Variants in SPRED1 observed in about 807,000 individuals in gnomAD.
SPRED1 encodes sprouty-related, EVH1 domain-containing protein 1.
In SPRED1, 18 loss-of-function variants were observed where a neutral mutation model predicts 52.3. The ratio of observed to expected loss-of-function variants is 0.34; its 90% CI spans 0.24 to 0.51. The LOEUF (loss-of-function observed/expected upper bound fraction) is 0.51. SPRED1 is among the 20% of genes least tolerant of loss of function. SPRED1 has a pLI of 0.97. For missense variants in SPRED1, 485 were observed against 551.0 expected (o/e 0.88, Z 1.20); for synonymous variants, 155 against 179.7 (o/e 0.86, Z 1.10).
intron 6 of SPRED1, among the ~76,000 whole-genome samples, chr15:38,349,840 G>A (rs1290210328): frequency 6.6e-6 from 1 of 152,128 alleles, no homozygotes; most frequent in African/African-American, 2.4e-5. Flanking sequence ...CATGTATCTA[G>A]GAAATAGAAG....
At chr15:38,315,977 G>T (rs1895471209) in intron 2 of SPRED1, among the ~76,000 whole-genome samples, 2 of 151,970 alleles carry the variant, frequency 1.3e-5, no homozygotes, top group Non-Finnish European at 2.9e-5. Context: ...GACCCAGCAG[G>T]TCTTGGCTAC....
intron 1 of SPRED1, among the ~76,000 whole-genome samples, chr15:38,270,218 C>T (rs934632171): frequency 2.6e-5 from 4 of 152,178 alleles, no homozygotes; most frequent in Non-Finnish European, 5.9e-5. Flanking sequence ...AAATCTGGAA[C>T]ATTTCTATTC....
At chr15:38,333,773 T>C (rs949548492) in intron 4 of SPRED1, among the ~76,000 whole-genome samples, 36 of 152,130 alleles carry the variant, frequency 2.4e-4, no homozygotes, top group African/African-American at 8.2e-4. Flanking sequence ...CTTTTTGTCA[T>C]ATATACCATA....
intron 1 of SPRED1, among the ~76,000 whole-genome samples, chr15:38,286,539 T>C (rs1285241205): frequency 2.2e-4 from 6 of 27,198 alleles, no homozygotes; most frequent in Non-Finnish European, 1.2e-3. Flanking sequence ...TCATTACTTA[T>C]GGCTTTTTTT....
At chr15:38,313,309 T>C (rs1182562402) in intron 2 of SPRED1, among the ~76,000 whole-genome samples, 1 of 152,026 alleles carries the variant, frequency 6.6e-6, no homozygotes. Context: ...TTTAGTCTTC[T>C]GTAAAATGGA....
intron 1 of SPRED1, among the ~76,000 whole-genome samples, chr15:38,263,384 C>G (rs2140950889): frequency 6.6e-6 from 1 of 152,198 alleles, no homozygotes; most frequent in Non-Finnish European, 1.5e-5. Context: ...GTTATAGTGA[C>G]ATCTTCAGCA....
intron 3 of SPRED1, among the ~76,000 whole-genome samples, chr15:38,324,113 C>T (rs533621232): frequency 2.0e-5 from 3 of 152,246 alleles, no homozygotes; most frequent in African/African-American, 7.2e-5. Context: ...TTCCAAAGGG[C>T]GCATTTCTTC....
chr15:38,341,326 T>C (rs911762915), intron 5 of SPRED1, among the ~76,000 whole-genome samples: 3 of 152,110 alleles, frequency 2.0e-5, no homozygotes, highest in African/African-American at 7.2e-5. Context: ...AACTTCTATT[T>C]GCCTACACTA....
chr15:38,335,741 T>C (rs1895900653), intron 4 of SPRED1, among the ~76,000 whole-genome samples: 1 of 152,058 alleles, frequency 6.6e-6, no homozygotes, highest in Admixed American at 6.6e-5. Context: ...CTGGACAACA[T>C]AGTAAGACCC....
At chr15:38,267,583 C>A (rs1595715008) in intron 1 of SPRED1, among the ~76,000 whole-genome samples, 1 of 152,090 alleles carries the variant, frequency 6.6e-6, no homozygotes, top group Admixed American at 6.6e-5. Context: ...TTTTATGTAG[C>A]TCTCAGTACA....
At position 38,312,154 on chromosome 15, in the gene SPRED1, AT is replaced by A. The variant is rs539408875; in HGVS notation, c.208-10082del. On this transcript the variant is annotated intron_variant, in intron 2 of 6. Coordinates refer to ENST00000299084, the MANE Select transcript of SPRED1 (RefSeq NM_152594.3). ...ATCTCCAACTGTCATGTTTTTGGAT[AT>A]TTTTGTGTTTCTAAATGGTTTCTGT... Among the ~76,000 whole-genome samples the A allele has an allele frequency of 1.5e-4, 23 of 152,124 alleles. No individual in the cohort carries two copies. The East Asian group carries it at 4.4e-3, about 29-fold the overall frequency.
At chr15:38,331,084 CTT>C (rs1895796717) in intron 4 of SPRED1, among the ~76,000 whole-genome samples, 1 of 152,026 alleles carries the variant, frequency 6.6e-6, no homozygotes, top group South Asian at 2.1e-4. Context: ...CTATAGAAGT[CTT>C]TGAAAAATAA....
chr15:38,350,937 A>T, intron 6 of SPRED1, 77 bp from the exon 7 acceptor site: 3 of 1,365,686 alleles, frequency 2.2e-6, no homozygotes, highest in Non-Finnish European at 3.1e-6. Flanking sequence ...AAATATCTGG[A>T]CACTGGCCCC....
chr15:38,271,880 T>C (rs1215193644), intron 1 of SPRED1, among the ~76,000 whole-genome samples: 1 of 152,166 alleles, frequency 6.6e-6, no homozygotes, highest in Non-Finnish European at 1.5e-5. Context: ...TAGTACCCAA[T>C]AGTTTTTCAA....
intron 5 of SPRED1, among the ~76,000 whole-genome samples, chr15:38,343,139 T>C (rs1896061871): frequency 6.6e-6 from 1 of 152,064 alleles, no homozygotes; most frequent in Admixed American, 6.6e-5. Flanking sequence ...ACGACATAAA[T>C]GCCCCAATAA....
At chr15:38,253,257 C>G (rs777914211) in intron 1 of SPRED1, 40 bp downstream of exon 1, 14 of 1,552,812 alleles carry the variant, frequency 9.0e-6, no homozygotes, top group Non-Finnish European at 1.1e-5. Context: ...TCCCCCTCCC[C>G]CTATCCGCCC....
chr15:38,261,551 ATTTGTTTTTGTT>A (rs530403202), intron 1 of SPRED1, among the ~76,000 whole-genome samples: 70 of 152,216 alleles, frequency 4.6e-4, no homozygotes, highest in African/African-American at 1.3e-3. Context: ...AGGAGTTATA[ATTTGTTTTTGTT>A]TTTGTTTTTG....
chr15:38,327,245 G>A (rs905147770), intron 4 of SPRED1, among the ~76,000 whole-genome samples: 3 of 152,184 alleles, frequency 2.0e-5, no homozygotes, highest in African/African-American at 7.2e-5. Flanking sequence ...AGTCATGGGA[G>A]GGTAGAGTGT....
Position 38,339,861 on chromosome 15 carries a change from C to T in SPRED1, c.548C>T (p.Ala183Val). The T allele has an allele frequency of 6.2e-7, 1 of 1,613,820 alleles. No homozygotes were observed. The highest frequency in any genetic ancestry group is 8.5e-7 in the Non-Finnish European group (1 of 1,179,890). The part of the protein sequence containing the change: ...IRPSPFEDLN[A>V]RRVYMQSQAN... ...CCTTCTCCCTTTGAAGATCTGAATG[C>T]CAGAAGAGTCTACATGCAAAGCCAA... Residue 183 changes from alanine (A) to valine (V), a missense_variant, in exon 5 of 7, where the codon GCC (alanine) becomes GTC (valine). Ala to Val is a moderately conservative substitution (Grantham distance 64). Transcript: ENST00000299084.
Sources: gnomAD v4.1 joint callset for allele counts (sites outside exome capture counted in the v4.1 genomes callset) on GRCh38, gnomAD v4.1.1 for gene constraint, MANE v1.5 for transcripts, NCBI Gene and HGNC (gene_info 2026-07-23, HGNC 2026-07-21) for gene names.